The following TTC28 variants were observed in gnomAD, a reference collection of about 807,000 sequenced individuals.
TTC28 encodes the protein tetratricopeptide repeat domain 28.
In TTC28, 61 loss-of-function variants were observed where a neutral mutation model predicts 198.0. The ratio of observed to expected loss-of-function variants is 0.31; its 90% CI spans 0.25 to 0.38. The LOEUF (loss-of-function observed/expected upper bound fraction) is 0.38, where lower values mean the gene tolerates loss of function less well. Ranked by LOEUF, TTC28 falls within the 10% of genes least tolerant of loss-of-function variation. The pLI is 1.00. For missense variants in TTC28, 2,678 were observed against 3,164.0 expected (o/e 0.85, Z 3.69); for synonymous variants, 1,171 against 1,297.8 (o/e 0.90, Z 2.10).
rs146108915 is a variant in TTC28, at chr22:28,501,841, T to G, written c.381+127711A>C. Among the ~76,000 whole-genome samples the G allele has an allele frequency of 7.9e-5, 12 of 152,324 alleles. No individual in the cohort carries two copies. In the East Asian group the frequency reaches 2.3e-3, roughly 29 times the overall value. On this transcript the variant is annotated intron_variant, in intron 2 of 22. Coordinates refer to ENST00000397906, the MANE Select transcript of TTC28 (RefSeq NM_001145418.2). ...CTTTTTAAACATAATTATGCAATGT[T>G]GGAAAATATACTTTTTAAAAATCAT...
At chr22:28,011,226 A>G (rs1398809945) in intron 14 of TTC28, among the ~76,000 whole-genome samples, 1 of 152,238 alleles carries the variant, frequency 6.6e-6, no homozygotes. Flanking sequence ...ATGTCACTTC[A>G]TTCACATGGA....
At chr22:28,018,649 G>T (rs577061495) in intron 13 of TTC28, among the ~76,000 whole-genome samples, 2 of 152,290 alleles carry the variant, frequency 1.3e-5, no homozygotes, top group East Asian at 3.9e-4. Flanking sequence ...ACATGTGGCT[G>T]GTCCCCACTG....
chr22:28,069,153 C>T (rs1441268836), intron 12 of TTC28, among the ~76,000 whole-genome samples: 1 of 152,172 alleles, frequency 6.6e-6, no homozygotes, highest in Non-Finnish European at 1.5e-5. Flanking sequence ...TTTTTCTCTT[C>T]CTCAAATAAA....
chr22:28,225,783 TG>T (rs1389885918), intron 5 of TTC28, among the ~76,000 whole-genome samples: 1 of 152,244 alleles, frequency 6.6e-6, no homozygotes, highest in African/African-American at 2.4e-5. Context: ...CGCTACTTTT[TG>T]TCCTACCTCC....
intron 4 of TTC28, 63 bp from the exon 5 acceptor site, chr22:28,296,391 A>AT: frequency 7.9e-7 from 1 of 1,259,086 alleles, no homozygotes; most frequent in Non-Finnish European, 1.0e-6. Flanking sequence ...TATTTATAAC[A>AT]TATAATGGTC....
chr22:28,400,421 T>C (rs1196235581), intron 2 of TTC28, among the ~76,000 whole-genome samples: 5 of 152,256 alleles, frequency 3.3e-5, no homozygotes, highest in African/African-American at 1.2e-4. Flanking sequence ...ATTCTTATTT[T>C]AAATTAATCT....
At chr22:28,300,373 C>A (rs537884399) in intron 3 of TTC28, among the ~76,000 whole-genome samples, 1 of 152,220 alleles carries the variant, frequency 6.6e-6, no homozygotes, top group South Asian at 2.1e-4. Context: ...GAGAAATAAT[C>A]ATCTAATTGA....
At chr22:28,328,699 A>C (rs1331138867) in intron 2 of TTC28, among the ~76,000 whole-genome samples, 4 of 150,796 alleles carry the variant, frequency 2.7e-5, no homozygotes, top group Non-Finnish European at 5.9e-5. Context: ...GGTTGCAGAG[A>C]GCCAAGATCG....
chr22:27,981,840 A>AT lies in TTC28; in HGVS notation c.*380dup, dbSNP rs1456135787. ...TCTGTGTATAAAAGGTACTGCATAT[A>AT]TACCTCTTAGCAAAATATGTGCTCC... On this transcript the variant is annotated 3_prime_UTR_variant, in exon 23 of 23. Transcript: ENST00000397906. 5.3e-6 allele frequency: 1 copy of AT among 187,882 alleles called. No homozygotes were observed. The highest frequency in any genetic ancestry group is 1.1e-5 in the Non-Finnish European group (1 of 92,296). 11.6% of individuals were successfully genotyped at this position (187,882 alleles called of 1,614,324 possible).
At chr22:28,675,608 C>T (rs935140442) in intron 1 of TTC28, among the ~76,000 whole-genome samples, 4 of 151,448 alleles carry the variant, frequency 2.6e-5, no homozygotes, top group African/African-American at 7.3e-5. Flanking sequence ...AAAAATTAAC[C>T]GTGCCTGTAG....
chr22:28,199,307 C>A (rs1280359958), intron 5 of TTC28, among the ~76,000 whole-genome samples: 1 of 149,038 alleles, frequency 6.7e-6, no homozygotes, highest in Non-Finnish European at 1.5e-5. Flanking sequence ...TTGGAAATAT[C>A]CCTAAGGTAT....
At chr22:28,509,976 C>G (rs868390602) in intron 2 of TTC28, among the ~76,000 whole-genome samples, 1 of 151,932 alleles carries the variant, frequency 6.6e-6, no homozygotes. Context: ...AAAACTGAAC[C>G]AGGAAGAAAT....
chr22:28,675,746 C>CAA (rs2051974648), intron 1 of TTC28, among the ~76,000 whole-genome samples: 1 of 150,264 alleles, frequency 6.7e-6, no homozygotes, highest in Non-Finnish European at 1.5e-5. Context: ...CACACACACA[C>CAA]ACACACACAC....
intron 2 of TTC28, among the ~76,000 whole-genome samples, chr22:28,398,565 C>G (rs1449082860): frequency 1.8e-4 from 28 of 152,164 alleles, no homozygotes; most frequent in Non-Finnish European, 1.5e-5. Context: ...AGGCATTATT[C>G]ATCTCTAAAC....
chr22:28,276,918 AG>A (rs1328294927), intron 5 of TTC28, among the ~76,000 whole-genome samples: 3 of 152,314 alleles, frequency 2.0e-5, no homozygotes, highest in African/African-American at 7.2e-5. Context: ...TACTTATATT[AG>A]TATTTTATTC....
At chr22:28,011,743 A>G (rs1938174660) in intron 14 of TTC28, among the ~76,000 whole-genome samples, 1 of 152,082 alleles carries the variant, frequency 6.6e-6, no homozygotes, top group African/African-American at 2.4e-5. Flanking sequence ...GGGATCCAGG[A>G]AGGTAAGGAG....
At chr22:28,113,534 G>C (rs1412673397) in intron 6 of TTC28, among the ~76,000 whole-genome samples, 2 of 152,184 alleles carry the variant, frequency 1.3e-5, no homozygotes, top group Non-Finnish European at 2.9e-5. Flanking sequence ...CAGACCCACT[G>C]CCCTCAGCAG....
intron 2 of TTC28, among the ~76,000 whole-genome samples, chr22:28,501,926 C>A (rs917771970): frequency 6.6e-6 from 1 of 151,944 alleles, no homozygotes; most frequent in Non-Finnish European, 1.5e-5. Context: ...TTTTTAAATG[C>A]CATTAAGTTT....
intron 2 of TTC28, among the ~76,000 whole-genome samples, chr22:28,600,550 T>A (rs1273781749): frequency 2.6e-5 from 4 of 152,208 alleles, no homozygotes; most frequent in Non-Finnish European, 5.9e-5. Flanking sequence ...ATTGTGCAGT[T>A]CTACAAAGAT....
Sources: gnomAD v4.1 joint callset for allele counts (sites outside exome capture counted in the v4.1 genomes callset) on GRCh38, gnomAD v4.1.1 for gene constraint, MANE v1.5 for transcripts, NCBI Gene and HGNC (gene_info 2026-07-23, HGNC 2026-07-21) for gene names.